The following SH3BGRL2 variants were observed in gnomAD, a reference collection of about 807,000 sequenced individuals.
SH3BGRL2 encodes the protein SH3 domain binding glutamate rich protein like 2.
A neutral mutation model predicts 14.8 loss-of-function variants in SH3BGRL2; 21 were observed. The ratio of observed to expected loss-of-function variants is 1.42; its 90% CI spans 1.01 to 2.05. SH3BGRL2 has a LOEUF of 2.05. Ranked by LOEUF, SH3BGRL2 falls within the 30% of genes most tolerant of loss-of-function variation. The pLI is 0.00. For missense variants in SH3BGRL2, 147 were observed against 130.8 expected, an observed-to-expected ratio of 1.12 and a Z score of -0.61; for synonymous variants, 50 against 47.8, an observed-to-expected ratio of 1.05 and a Z score of -0.19.
At chr6:79,581,821 A>G in the SH3BGRL2 span, among the ~76,000 whole-genome samples, 2 of 152,212 alleles carry the variant, frequency 1.3e-5, no homozygotes, top group Non-Finnish European at 2.9e-5. Flanking sequence ...AGGGTATTCA[A>G]TTAGGAAATG....
At chr6:79,567,664 GAAAATAGATTATTTTTGCA>G in the SH3BGRL2 span, among the ~76,000 whole-genome samples, 2 of 152,082 alleles carry the variant, frequency 1.3e-5, no homozygotes, top group African/African-American at 4.8e-5. Context: ...ACTTCCTGAA[GAAAATAGATTATTTTTGCA>G]AATGTATGTT....
At chr6:79,566,897 T>TA in the SH3BGRL2 span, among the ~76,000 whole-genome samples, 60 of 136,878 alleles carry the variant, frequency 4.4e-4, no homozygotes, top group East Asian at 1.1e-3. Flanking sequence ...ACTCTGTCTC[T>TA]AAAAAAAAAA....
chr6:79,562,053 T>TG, the SH3BGRL2 span, among the ~76,000 whole-genome samples: 1 of 152,222 alleles, frequency 6.6e-6, no homozygotes, highest in Non-Finnish European at 1.5e-5. Context: ...TTCCCGCAGT[T>TG]GCTTTCTGTA....
At chr6:79,686,977 A>G (rs1365396410) in intron 2 of SH3BGRL2, among the ~76,000 whole-genome samples, 3 of 152,278 alleles carry the variant, frequency 2.0e-5, no homozygotes, top group East Asian at 1.9e-4. Flanking sequence ...ATGTGGGGTC[A>G]GGGTGACCAC....
At chr6:79,642,751 G>T (rs1769057401) in intron 1 of SH3BGRL2, among the ~76,000 whole-genome samples, 2 of 152,188 alleles carry the variant, frequency 1.3e-5, no homozygotes, top group South Asian at 4.1e-4. Flanking sequence ...TGAATTGATG[G>T]ATATCCTCTG....
chr6:79,698,060 A>G (rs187570729), intron 3 of SH3BGRL2, among the ~76,000 whole-genome samples: 1 of 152,208 alleles, frequency 6.6e-6, no homozygotes, highest in Non-Finnish European at 1.5e-5. Context: ...TCTTGGTGTC[A>G]CTGAAGTTAA....
the SH3BGRL2 span, among the ~76,000 whole-genome samples, chr6:79,605,890 T>C: frequency 6.6e-6 from 1 of 152,226 alleles, no homozygotes; most frequent in Admixed American, 6.5e-5. Context: ...TCTGGAAATA[T>C]AACACTCTTA....
chr6:79,586,064 C>T, the SH3BGRL2 span, among the ~76,000 whole-genome samples: 1,295 of 151,858 alleles, frequency 8.5e-3, 25 homozygotes, highest in African/African-American at 0.029. Context: ...GGCGTGGTGG[C>T]GCATGCCTGT....
intron 3 of SH3BGRL2, among the ~76,000 whole-genome samples, chr6:79,697,953 C>G (rs973518885): frequency 1.3e-5 from 2 of 152,120 alleles, no homozygotes; most frequent in Non-Finnish European, 2.9e-5. Context: ...CTTCTTTATT[C>G]TTCAAAGAAA....
At chr6:79,601,262 A>T in the SH3BGRL2 span, among the ~76,000 whole-genome samples, 4 of 152,316 alleles carry the variant, frequency 2.6e-5, no homozygotes, top group African/African-American at 9.6e-5. Flanking sequence ...ATCATGGCTC[A>T]CTGCAGCCTT....
At chr6:79,632,759 A>C (rs1340388420) in intron 1 of SH3BGRL2, among the ~76,000 whole-genome samples, 1 of 152,120 alleles carries the variant, frequency 6.6e-6, no homozygotes, top group African/African-American at 2.4e-5. Context: ...GTTTCTAGCT[A>C]TTTGGGTTGC....
chr6:79,612,970 C>T, the SH3BGRL2 span, among the ~76,000 whole-genome samples: 5 of 152,174 alleles, frequency 3.3e-5, no homozygotes, highest in South Asian at 8.3e-4. Context: ...GGGAGCAGCT[C>T]TCAGAGACAC....
the SH3BGRL2 span, among the ~76,000 whole-genome samples, chr6:79,621,628 A>T: frequency 3.3e-5 from 5 of 152,222 alleles, no homozygotes; most frequent in East Asian, 5.8e-4. Flanking sequence ...CAAGCAAATG[A>T]TTGTGGCAGT....
chr6:79,623,329 C>T, the SH3BGRL2 span, among the ~76,000 whole-genome samples: 1 of 151,056 alleles, frequency 6.6e-6, no homozygotes, highest in Non-Finnish European at 1.5e-5. Flanking sequence ...GTCTGATTTA[C>T]AATCGGGGGC....
the SH3BGRL2 span, among the ~76,000 whole-genome samples, chr6:79,592,112 C>T: frequency 1.3e-5 from 2 of 152,084 alleles, no homozygotes; most frequent in African/African-American, 2.4e-5. Context: ...AAAATGTTAG[C>T]ACAATCCTGG....
intron 2 of SH3BGRL2, among the ~76,000 whole-genome samples, chr6:79,686,780 G>A (rs1770106269): frequency 6.6e-6 from 1 of 152,144 alleles, no homozygotes; most frequent in Non-Finnish European, 1.5e-5. Flanking sequence ...GCTTCCCCCA[G>A]TAACTCACAG....
the SH3BGRL2 span, among the ~76,000 whole-genome samples, chr6:79,620,778 GT>G: frequency 6.6e-5 from 10 of 152,218 alleles, no homozygotes; most frequent in Admixed American, 1.3e-4. Flanking sequence ...TCTAAACTAT[GT>G]TAGAGACACA....
chr6:79,699,024 C>T (rs917994641), intron 3 of SH3BGRL2, among the ~76,000 whole-genome samples: 1 of 151,864 alleles, frequency 6.6e-6, no homozygotes, highest in Non-Finnish European at 1.5e-5. Context: ...CACAGAGGCC[C>T]CCTGTGCCAG....
chr6:79,604,551 C>T, the SH3BGRL2 span, among the ~76,000 whole-genome samples: 1 of 152,180 alleles, frequency 6.6e-6, no homozygotes, highest in Non-Finnish European at 1.5e-5. Context: ...GCATGGACTC[C>T]TAATCCATCT....
Sources: gnomAD v4.1 joint callset for allele counts (sites outside exome capture counted in the v4.1 genomes callset) on GRCh38, gnomAD v4.1.1 for gene constraint, MANE v1.5 for transcripts, NCBI Gene and HGNC (gene_info 2026-07-23, HGNC 2026-07-21) for gene names.